The following ZDHHC3 variants were observed in gnomAD, a reference collection of about 807,000 sequenced individuals.
ZDHHC3 encodes the protein zDHHC palmitoyltransferase 3, also known as palmitoyltransferase ZDHHC3.
Under a neutral mutation model 30.6 loss-of-function variants are expected in ZDHHC3, and 9 were observed. The observed-to-expected ratio is 0.29, with a 90% CI of 0.18 to 0.51. The LOEUF (loss-of-function observed/expected upper bound fraction) is 0.51. Ranked by LOEUF, ZDHHC3 falls within the 20% of genes least tolerant of loss-of-function variation. The probability of loss-of-function intolerance (pLI) is 0.97; values close to 1 mark genes in which losing one functional copy is unlikely to be tolerated. For synonymous variants in ZDHHC3, 136 were observed against 140.2 expected, an observed-to-expected ratio of 0.97 and a Z score of 0.21; for missense variants, 246 against 384.2, an observed-to-expected ratio of 0.64 and a Z score of 3.01.
rs150334648 is a variant in ZDHHC3 at position 44,976,040 on chromosome 3, G to A, written c.-132C>T. ...AACCCGGGACCCGGCCTCGGGCTTCGGCGATGGCTCCTCGGAACGAGGCGC... is the reference window on the plus strand; with the variant it reads ...AACCCGGGACCCGGCCTCGGGCTTCAGCGATGGCTCCTCGGAACGAGGCGC... On this transcript the variant is annotated 5_prime_UTR_variant, in exon 1 of 7. Transcript: ENST00000424952. 6,108 of 402,368 alleles carry A rather than the reference G, an allele frequency of 0.015. 110 individuals carry two copies. The highest frequency in any genetic ancestry group is 0.055 in the African/African-American group (2,637 of 47,958). The allele number at this position is 402,368 out of a possible 1,614,324, so 24.9% of individuals were successfully genotyped here. A position where few individuals can be genotyped will look rare whatever the true frequency, so the allele number is the denominator to read the frequency against.
chr3:44,975,764 T>TCACACACA (rs1335553619), intron 1 of ZDHHC3, among the ~76,000 whole-genome samples, 169 bp downstream of exon 1: 1 of 144,034 alleles, frequency 6.9e-6, no homozygotes, highest in African/African-American at 2.8e-5. Context: ...TCTCTCTCTC[T>TCACACACA]CTCTCTCTCA....
chr3:44,972,509 T>C (rs189076303), intron 1 of ZDHHC3, among the ~76,000 whole-genome samples: 58 of 152,284 alleles, frequency 3.8e-4, no homozygotes, highest in African/African-American at 1.3e-3. Flanking sequence ...AGCATTGCCC[T>C]GAAGCTCTTT....
intron 2 of ZDHHC3, among the ~76,000 whole-genome samples, chr3:44,954,137 G>A (rs1300078580): frequency 6.6e-6 from 1 of 152,068 alleles, no homozygotes; most frequent in Non-Finnish European, 1.5e-5. Flanking sequence ...TCAGTGGCCG[G>A]TAGTGGTCTG....
Position 44,933,152 on chromosome 3 carries a change from G to T in ZDHHC3, c.576C>A (p.Phe192Leu). 3 of 1,614,170 alleles carry T rather than the reference G, an allele frequency of 1.9e-6. No individual in the cohort carries two copies. The highest frequency in any genetic ancestry group is 2.5e-6 in the Non-Finnish European group (3 of 1,180,042). Reference protein sequence around the residue: ...ISLHALIMVGFHFLHCFEEDW... With the variant: ...ISLHALIMVGLHFLHCFEEDW... The stretch of plus-strand genomic sequence containing the variant: ...CTTCTTCAAAGCAATGCAGGAAGTG[G>T]AATCCCACCATGATGAGGGCGTGCA... The change falls in exon 5 of 7, where the codon TTC becomes TTA. Residue 192 changes from phenylalanine (F) to leucine (L), a missense_variant. Transcript: ENST00000424952.
chr3:44,921,229 G>A lies in ZDHHC3; in HGVS notation c.*5460C>T. ...AATGTATTAGGACTAAGGCTCCCGA[G>A]GAAGGAAGAGTCTGTGCAGAACAGA... On this transcript the variant is annotated 3_prime_UTR_variant, in exon 7 of 7. Transcript: ENST00000424952. 1 of 936,950 alleles carries A rather than the reference G, an allele frequency of 1.1e-6. No homozygotes were observed. The highest frequency in any genetic ancestry group is 1.2e-6 in the Non-Finnish European group (1 of 813,340). The allele number at this position is 936,950 out of a possible 1,614,324, so 58.0% of individuals were successfully genotyped here. A position where few individuals can be genotyped will look rare whatever the true frequency, so the allele number is the denominator to read the frequency against.
At position 44,920,713 on chromosome 3, in the gene ZDHHC3, C is replaced by T. The variant is rs1700532025; in HGVS notation, c.*5976G>A. On this transcript the variant is annotated 3_prime_UTR_variant, in exon 7 of 7. Coordinates refer to ENST00000424952, the MANE Select transcript of ZDHHC3 (RefSeq NM_001135179.2). ...GAGAGAAGGGGAATGAAGCCAAGAG[C>T]CCACAGGATGATTATTTGCCATTCA... 1.0e-6 allele frequency: 1 copy of T among 985,358 alleles called. No individual in the cohort carries two copies. The highest frequency in any genetic ancestry group is 1.2e-6 in the Non-Finnish European group (1 of 829,924). The allele number at this position is 985,358 out of a possible 1,614,324, so 61.0% of individuals were successfully genotyped here.
rs1264298237 is a variant in ZDHHC3, at chr3:44,916,632, G to C, written c.*10057C>G. On this transcript the variant is annotated 3_prime_UTR_variant, in exon 7 of 7. Transcript: ENST00000424952. ...AGAGAGGAACAAAGGCACGTGGAGG[G>C]AGTGGGTGGTGAATCCACTTCTTAT... 2.0e-5 allele frequency: 3 copies of C among 152,298 alleles called. No individual in the cohort carries two copies. The highest frequency in any genetic ancestry group is 1.5e-5 in the Non-Finnish European group (1 of 68,086). The allele number at this position is 152,298 out of a possible 1,614,324, so 9.4% of individuals were successfully genotyped here.
rs1312962382 is a variant in ZDHHC3 at position 44,918,724 on chromosome 3, G to A, written c.*7965C>T. 1 of 991,766 alleles carries A rather than the reference G, an allele frequency of 1.0e-6. No homozygotes were observed. Among genetic ancestry groups the A allele is most frequent in the Non-Finnish European group, 1.2e-6 (1 of 832,970 alleles). The allele number at this position is 991,766 out of a possible 1,614,324, so 61.4% of individuals were successfully genotyped here. A position where few individuals can be genotyped will look rare whatever the true frequency, so the allele number is the denominator to read the frequency against. ...GGGCACACAGGACCACTGTGGGGAG[G>A]TAAGGCTGGGCTCAGGCCTGCTCAT... On this transcript the variant is annotated 3_prime_UTR_variant, in exon 7 of 7. Coordinates refer to ENST00000424952, the MANE Select transcript of ZDHHC3 (RefSeq NM_001135179.2).
At chr3:44,933,400 C>T (rs1701670983) in intron 4 of ZDHHC3, 1 of 607,678 alleles carries the variant, frequency 1.6e-6, no homozygotes, top group Non-Finnish European at 2.9e-6. Flanking sequence ...GCAGCCACCT[C>T]CGGGAGTACG....
At chr3:44,962,713 G>A (rs1434953115) in intron 1 of ZDHHC3, among the ~76,000 whole-genome samples, 1 of 152,112 alleles carries the variant, frequency 6.6e-6, no homozygotes, top group African/African-American at 2.4e-5. Flanking sequence ...CACATCAACT[G>A]GCTTGCTCAG....
At position 44,959,391 on chromosome 3, in the gene ZDHHC3, G is replaced by A; in HGVS notation, c.46C>T (p.Pro16Ser). Residue 16 changes from proline (P) to serine (S), a missense_variant, in exon 2 of 7, where the codon CCA (proline) becomes TCA (serine). By Grantham distance (74) the Pro-to-Ser change is moderately conservative (BLOSUM62 -1). Coordinates refer to ENST00000424952, the MANE Select transcript of ZDHHC3 (RefSeq NM_001135179.2). The surrounding 1 kb of genome is among the most constrained non-coding windows in gnomAD (Gnocchi z 4.3). Reference protein sequence around the residue: ...THHFRNIERKPEYLQPEKCVP... With the variant: ...THHFRNIERKSEYLQPEKCVP... ...CACTTCTCTGGCTGGAGGTATTCTG[G>A]TTTCCGCTCAATGTTTCGGAAGTGG... is the stretch of plus-strand genomic sequence containing the variant. The A allele has an allele frequency of 6.2e-7, 1 of 1,614,218 alleles. No homozygotes were observed. Among genetic ancestry groups the A allele is most frequent in the Non-Finnish European group, 8.5e-7 (1 of 1,180,026 alleles).
rs983093671 is a variant in ZDHHC3 at position 44,962,964 on chromosome 3, T to C, written c.-24-3504A>G. Among the ~76,000 whole-genome samples the C allele has an allele frequency of 3.9e-5, 6 of 152,224 alleles. No individual in the cohort carries two copies. The South Asian group carries it at 8.3e-4, about 21-fold the overall frequency. On this transcript the variant is annotated intron_variant, in intron 1 of 6. Transcript: ENST00000424952. Reference sequence around the variant, plus strand: ...AACAACTGCTAAGCTCTTCACCATATAGTCCTTGAGAGGAGGACTTATTAG... The same window carrying C: ...AACAACTGCTAAGCTCTTCACCATACAGTCCTTGAGAGGAGGACTTATTAG...
intron 3 of ZDHHC3, among the ~76,000 whole-genome samples, chr3:44,942,720 T>TA (rs1057416300): frequency 1.6e-4 from 24 of 152,316 alleles, no homozygotes; most frequent in African/African-American, 5.5e-4. Context: ...TACTCATACT[T>TA]AATCCTCACA....
Position 44,959,044 on chromosome 3 carries a change from G to T in ZDHHC3, c.306+87C>A. On this transcript the variant is annotated intron_variant, in intron 2 of 6. Transcript: ENST00000424952. The surrounding 1 kb of genome is among the most constrained non-coding windows in gnomAD (Gnocchi z 4.3). ...GCCCTCCTATCCTCCAAGTTCCCAA[G>T]GTCCAGGGGGAACATGCAGGCTGTG... 1 of 1,504,196 alleles carries T rather than the reference G, an allele frequency of 6.6e-7. No individual in the cohort carries two copies. Among genetic ancestry groups the T allele is most frequent in the Non-Finnish European group, 9.1e-7 (1 of 1,102,560 alleles). The allele number at this position is 1,504,196 out of a possible 1,614,324, so 93.2% of individuals were successfully genotyped here.
Position 44,917,898 on chromosome 3 carries a change from T to C in ZDHHC3, c.*8791A>G, listed in dbSNP as rs1418769711. On this transcript the variant is annotated 3_prime_UTR_variant, in exon 7 of 7. Coordinates refer to ENST00000424952, the MANE Select transcript of ZDHHC3 (RefSeq NM_001135179.2). ...GCTTCTCTCCCCACAGCAGCATCTA[T>C]TCATCTGTCACCTCCACAGAGTCCT... 7.7e-7 allele frequency: 1 copy of C among 1,302,406 alleles called. No individual in the cohort carries two copies. The allele number at this position is 1,302,406 out of a possible 1,614,324, so 80.7% of individuals were successfully genotyped here.
chr3:44,934,893 CAAAAAAAAA>C (rs886501187), intron 3 of ZDHHC3, among the ~76,000 whole-genome samples: 8 of 60,068 alleles, frequency 1.3e-4, no homozygotes. Context: ...ACTCTGTCTC[CAAAAAAAAA>C]AAAAAAAAAA....
In ZDHHC3 at chr3:44,959,314, G is replaced by A. The variant is rs764511897; in HGVS notation, c.123C>T (p.Asp41=). ...GPVGTMWFIR[D]GCGIACAIVT... is the part of the protein sequence containing the mutation. ...CGATGGCACAGGCGATGCCACAGCCGTCACGGATAAACCACATGGTTCCCA... is the reference window on the plus strand; with the variant it reads ...CGATGGCACAGGCGATGCCACAGCCATCACGGATAAACCACATGGTTCCCA... The change falls in exon 2 of 7, where the codon GAC becomes GAT. Residue 41 remains aspartate, a synonymous_variant. Transcript: ENST00000424952. This position sits in a 1 kb window ranked among gnomAD's most constrained non-coding sequence, Gnocchi z 4.3. 22 of 1,614,112 alleles carry A rather than the reference G, an allele frequency of 1.4e-5. No individual in the cohort carries two copies. Among genetic ancestry groups the A allele is most frequent in the African/African-American group, 4.0e-5 (3 of 74,950 alleles).
intron 6 of ZDHHC3, 69 bp from the exon 7 acceptor site, chr3:44,926,916 G>C (rs769827142): frequency 2.0e-6 from 3 of 1,505,102 alleles, no homozygotes; most frequent in African/African-American, 2.8e-5. Context: ...AGGGATGTCC[G>C]CAGCGACAGG....
At chr3:44,939,933 T>A (rs1374758152) in intron 3 of ZDHHC3, among the ~76,000 whole-genome samples, 1 of 152,134 alleles carries the variant, frequency 6.6e-6, no homozygotes, top group Non-Finnish European at 1.5e-5. Context: ...CCCTTCTCCT[T>A]GGGCCAGGTG....
Sources: gnomAD v4.1 joint callset for allele counts (sites outside exome capture counted in the v4.1 genomes callset) on GRCh38, gnomAD v4.1.1 for gene constraint, Gnocchi (gnomAD v3.1) non-coding constraint, MANE v1.5 for transcripts, NCBI Gene and HGNC (gene_info 2026-07-23, HGNC 2026-07-21) for gene names.